The following SNRPN variants were observed in gnomAD, a reference collection of about 807,000 sequenced individuals.
SNRPN encodes small nuclear ribonucleoprotein polypeptide N, also known as small nuclear ribonucleoprotein-associated protein N.
A neutral mutation model predicts 25.2 loss-of-function variants in SNRPN; 7 were observed. That is an observed-to-expected ratio of 0.28 (90% CI 0.16 to 0.52). The LOEUF is 0.52. Ranked by LOEUF, SNRPN falls within the 20% of genes least tolerant of loss-of-function variation. SNRPN has a pLI of 0.96. For synonymous variants in SNRPN, 124 were observed against 110.6 expected (o/e 1.12, Z -0.76); for missense variants, 196 against 322.5 (o/e 0.61, Z 3.00).
At chr15:24,835,810 G>A (rs2051125662) in intron 2 of SNRPN, among the ~76,000 whole-genome samples, 1 of 152,090 alleles carries the variant, frequency 6.6e-6, no homozygotes, top group Non-Finnish European at 1.5e-5. Context: ...AACCTGAGTG[G>A]TCAGGAAGTC....
chr15:24,916,352 C>A (rs771135245), intron 2 of SNRPN, among the ~76,000 whole-genome samples: 1 of 151,862 alleles, frequency 6.6e-6, no homozygotes, highest in Non-Finnish European at 1.5e-5. Context: ...GAGAGAGAGA[C>A]AAAGACAGAG....
chr15:24,832,978 G>T (rs1015958942), intron 2 of SNRPN, among the ~76,000 whole-genome samples: 1 of 151,598 alleles, frequency 6.6e-6, no homozygotes, highest in African/African-American at 2.4e-5. Context: ...GGTGGCAGGC[G>T]CCTGCAGTCC....
upstream of SNRPN, among the ~76,000 whole-genome samples, chr15:24,852,671 CT>C (rs2052976668): frequency 6.6e-6 from 1 of 152,140 alleles, no homozygotes; most frequent in Admixed American, 6.5e-5. Context: ...AATCCCAACA[CT>C]TTGGGAGGTG....
intron 3 of SNRPN, among the ~76,000 whole-genome samples, chr15:24,932,383 C>T (rs12592011): frequency 2.0e-5 from 3 of 151,634 alleles, no homozygotes; most frequent in Non-Finnish European, 2.9e-5. Flanking sequence ...TACAGGTGCT[C>T]GCCACCACGA....
chr15:24,888,110 G>T (rs977779408), intron 2 of SNRPN, among the ~76,000 whole-genome samples: 3 of 126,332 alleles, frequency 2.4e-5, no homozygotes, highest in Non-Finnish European at 3.5e-5. Context: ...TATTAGAAAT[G>T]ACTTTTTTTT....
At chr15:24,972,656 G>A (rs1201669460) in intron 3 of SNRPN, among the ~76,000 whole-genome samples, 2 of 149,806 alleles carry the variant, frequency 1.3e-5, no homozygotes, top group Admixed American at 6.7e-5. Context: ...AGTAATTTGT[G>A]TTTCATTTTT....
At chr15:24,904,623 C>G (rs2058680431) in intron 2 of SNRPN, among the ~76,000 whole-genome samples, 1 of 151,786 alleles carries the variant, frequency 6.6e-6, no homozygotes, top group South Asian at 2.1e-4. Flanking sequence ...CCACTGCACT[C>G]CAGCCTGGGC....
intron 1 of SNRPN, among the ~76,000 whole-genome samples, chr15:24,861,537 C>G (rs556985623): frequency 6.6e-6 from 1 of 152,324 alleles, no homozygotes; most frequent in South Asian, 2.1e-4. Context: ...TAGGACATTA[C>G]TGTATGCTAC....
chr15:24,875,753 T>C (rs1309051433), intron 1 of SNRPN, among the ~76,000 whole-genome samples: 1 of 152,098 alleles, frequency 6.6e-6, no homozygotes, highest in Non-Finnish European at 1.5e-5. Flanking sequence ...ACACTGTCTC[T>C]ACAGAAATAA....
At chr15:24,884,709 A>G (rs1200237167) in intron 1 of SNRPN, among the ~76,000 whole-genome samples, 1 of 152,166 alleles carries the variant, frequency 6.6e-6, no homozygotes, top group Non-Finnish European at 1.5e-5. Context: ...ATACTTTTAT[A>G]TATTTTTTCT....
chr15:24,933,686 G>A (rs1229133017), intron 3 of SNRPN, among the ~76,000 whole-genome samples: 1 of 152,210 alleles, frequency 6.6e-6, no homozygotes, highest in Non-Finnish European at 1.5e-5. Context: ...TTGCCAGAAG[G>A]GCAGAAGTCC....
chr15:24,890,678 C>A (rs2057599599), intron 2 of SNRPN, among the ~76,000 whole-genome samples: 1 of 151,796 alleles, frequency 6.6e-6, no homozygotes, highest in Admixed American at 6.6e-5. Flanking sequence ...GACTCTGTCT[C>A]AAAAAACAAA....
At chr15:24,839,551 A>G (rs2051503651) in intron 2 of SNRPN, among the ~76,000 whole-genome samples, 2 of 152,092 alleles carry the variant, frequency 1.3e-5, no homozygotes. Flanking sequence ...AACGGCCCAC[A>G]CATTGGTGAA....
intron 2 of SNRPN, among the ~76,000 whole-genome samples, chr15:24,844,467 A>G (rs1262769162): frequency 6.6e-6 from 1 of 152,162 alleles, no homozygotes; most frequent in African/African-American, 2.4e-5. Context: ...TCTTTCTCTT[A>G]ACAGTGTCTG....
chr15:24,917,351 T>A (rs148874821), intron 2 of SNRPN, among the ~76,000 whole-genome samples: 22 of 152,342 alleles, frequency 1.4e-4, no homozygotes, highest in South Asian at 2.1e-4. Context: ...AATGGATGTA[T>A]GTTTTATAGT....
chr15:24,964,373 A>G (rs188225681), intron 2 of SNRPN, among the ~76,000 whole-genome samples: 3 of 151,696 alleles, frequency 2.0e-5, no homozygotes, highest in African/African-American at 7.3e-5. Context: ...ATGGAGTGCA[A>G]CCTCCGCCTA....
intron 3 of SNRPN, among the ~76,000 whole-genome samples, chr15:24,941,990 G>A (rs2061583538): frequency 6.6e-6 from 1 of 152,040 alleles, no homozygotes; most frequent in African/African-American, 2.4e-5. Flanking sequence ...ATCTTGGCCA[G>A]GCTGGTCTTG....
chr15:24,834,169 CT>C (rs1333883510), intron 2 of SNRPN, among the ~76,000 whole-genome samples: 1 of 152,124 alleles, frequency 6.6e-6, no homozygotes, highest in African/African-American at 2.4e-5. Context: ...CGTGATCCAC[CT>C]GCCTTGGCCT....
rs1333914406 is a variant in SNRPN at position 24,978,441 on chromosome 15, T to C, written c.720T>C (p.Pro240=). The change falls in exon 10 of 10, where the codon CCT becomes CCC. Residue 240 remains proline, a synonymous_variant. Coordinates refer to ENST00000390687, the MANE Select transcript of SNRPN (RefSeq NM_003097.6). ...CCCCAGGAATGCGTCCACCAAGACCTTAGCATACTGTTGATCCATCTCAGT... is the reference window on the plus strand; with the variant it reads ...CCCCAGGAATGCGTCCACCAAGACCCTAGCATACTGTTGATCCATCTCAGT... ...PPPPGMRPPR[P] 2 of 1,613,506 alleles carry C rather than the reference T, an allele frequency of 1.2e-6. No homozygotes were observed. The highest frequency in any genetic ancestry group is 2.7e-5 in the African/African-American group (2 of 74,928).
Sources: gnomAD v4.1 joint callset for allele counts (sites outside exome capture counted in the v4.1 genomes callset) on GRCh38, gnomAD v4.1.1 for gene constraint, MANE v1.5 for transcripts, NCBI Gene and HGNC (gene_info 2026-07-23, HGNC 2026-07-21) for gene names.